Variants in SRPK2 observed in about 807,000 individuals in gnomAD.
SRPK2 encodes SRSF protein kinase 2.
SRPK2 carries 21 observed loss-of-function variants against 90.8 expected under a neutral mutation model. The observed-to-expected ratio is 0.23, with a 90% CI of 0.16 to 0.33. SRPK2 has a LOEUF of 0.33. SRPK2 is among the 10% of genes least tolerant of loss of function. The pLI, the probability that SRPK2 is intolerant of heterozygous loss-of-function variation, is 1.00. For synonymous variants in SRPK2, 288 were observed against 311.1 expected (o/e 0.93, Z 0.78); for missense variants, 620 against 869.0 (o/e 0.71, Z 3.60).
intron 2 of SRPK2, among the ~76,000 whole-genome samples, chr7:105,381,362 G>A (rs192233949): frequency 1.3e-3 from 191 of 152,194 alleles, no homozygotes; most frequent in Middle Eastern, 3.4e-3. Flanking sequence ...AGATCATGAC[G>A]TCAGGAGCTT....
chr7:105,176,660 CAT>C (rs754819728), intron 3 of SRPK2, among the ~76,000 whole-genome samples: 25 of 132,864 alleles, frequency 1.9e-4, no homozygotes, highest in Non-Finnish European at 2.6e-4. Context: ...GTTTTACATA[CAT>C]ATATATAGAT....
At chr7:105,334,562 GCACGGTGGCT>G (rs1409635507) in intron 2 of SRPK2, among the ~76,000 whole-genome samples, 1 of 152,072 alleles carries the variant, frequency 6.6e-6, no homozygotes, top group Non-Finnish European at 1.5e-5. Context: ...GTTTGGCTGG[GCACGGTGGCT>G]CACATCTGTA....
rs138074609 is a variant in SRPK2, at chr7:105,397,120, C to G, written n.153+2036G>C. Among the ~76,000 whole-genome samples, 520 of 151,922 alleles carry G rather than the reference C, an allele frequency of 3.4e-3. 15 individuals are homozygous for G. In the East Asian group the frequency reaches 0.067, roughly 20 times the overall value. On this transcript the variant is annotated intron_variant and non_coding_transcript_variant, in intron 1 of 3. Transcript: ENST00000462282. The stretch of plus-strand genomic sequence containing the variant: ...ACAACTTCCGCCTCATGGGTACAAG[C>G]AATTCTCCTGCCTCAGCTTCCCGAG...
At chr7:105,281,065 T>C (rs1807262059) in intron 2 of SRPK2, among the ~76,000 whole-genome samples, 1 of 151,790 alleles carries the variant, frequency 6.6e-6, no homozygotes, top group South Asian at 2.1e-4. Flanking sequence ...CCTTCTTTTT[T>C]TTCTTTTTGT....
intron 2 of SRPK2, among the ~76,000 whole-genome samples, chr7:105,320,381 T>G (rs1269183390): frequency 6.6e-6 from 1 of 152,232 alleles, no homozygotes; most frequent in Non-Finnish European, 1.5e-5. Flanking sequence ...ACACAATTTA[T>G]GTGAAACAAA....
At chr7:105,299,126 G>C (rs1810214391) in intron 2 of SRPK2, among the ~76,000 whole-genome samples, 1 of 152,222 alleles carries the variant, frequency 6.6e-6, no homozygotes, top group Admixed American at 6.5e-5. Flanking sequence ...TTGGAACTGA[G>C]AATGAGCCTC....
intron 7 of SRPK2, among the ~76,000 whole-genome samples, chr7:105,151,102 TA>T (rs1174997901): frequency 2.0e-5 from 3 of 151,958 alleles, no homozygotes; most frequent in African/African-American, 7.3e-5. Context: ...AGATTTTTTT[TA>T]AAAAAAATTG....
chr7:105,269,157 T>C, intron 2 of SRPK2: 3 of 965,000 alleles, frequency 3.1e-6, no homozygotes, highest in Non-Finnish European at 2.5e-6. Flanking sequence ...TTCTACAAGA[T>C]GATTTTCAAT....
intron 2 of SRPK2, among the ~76,000 whole-genome samples, chr7:105,251,677 A>G (rs1250473876): frequency 6.6e-6 from 1 of 152,240 alleles, no homozygotes; most frequent in Non-Finnish European, 1.5e-5. Flanking sequence ...CTACAGGCTA[A>G]AGATTGTGCT....
chr7:105,384,751 G>T (rs1821337014), intron 2 of SRPK2, among the ~76,000 whole-genome samples: 2 of 152,096 alleles, frequency 1.3e-5, no homozygotes, highest in African/African-American at 4.8e-5. Context: ...GTCTCCTGGA[G>T]ATTCTTTTAC....
At chr7:105,286,008 C>A (rs180793322) in intron 2 of SRPK2, among the ~76,000 whole-genome samples, 1 of 152,296 alleles carries the variant, frequency 6.6e-6, no homozygotes, top group Non-Finnish European at 1.5e-5. Flanking sequence ...TGTTGATACT[C>A]CCATATCCCT....
rs147921950 is a variant in SRPK2 at position 105,122,783 on chromosome 7, G to T, written c.1915+3465C>A. 6.6e-4 allele frequency among the ~76,000 whole-genome samples: 101 copies of T among 151,952 alleles called. 1 individual carries two copies. The East Asian group carries it at 0.017, about 26-fold the overall frequency. On this transcript the variant is annotated intron_variant, in intron 15 of 15. Transcript: ENST00000393651. ...AAATTTTCAATTGTATTTAAGGTCT[G>T]TAGTCTGACACACACACATACACAC...
intron 2 of SRPK2, among the ~76,000 whole-genome samples, chr7:105,294,051 T>C (rs1366874953): frequency 2.0e-5 from 3 of 152,120 alleles, no homozygotes; most frequent in South Asian, 2.1e-4. Context: ...ACATACAACA[T>C]AGCCAAATCC....
At chr7:105,162,255 T>G (rs750180594) in intron 6 of SRPK2, among the ~76,000 whole-genome samples, 41 of 152,324 alleles carry the variant, frequency 2.7e-4, no homozygotes, top group Admixed American at 6.5e-4. Context: ...TTGGCCAGGC[T>G]GGTCTCAAAC....
intron 2 of SRPK2, among the ~76,000 whole-genome samples, chr7:105,327,706 G>C (rs1288701562): frequency 6.6e-6 from 1 of 152,194 alleles, no homozygotes; most frequent in African/African-American, 2.4e-5. Flanking sequence ...ATTTATAGTA[G>C]GTGCCCAATA....
intron 7 of SRPK2, among the ~76,000 whole-genome samples, chr7:105,148,982 C>T (rs952431311): frequency 2.6e-5 from 4 of 152,148 alleles, no homozygotes; most frequent in Non-Finnish European, 4.4e-5. Context: ...GGGACCTCTG[C>T]CCTTGAAAGC....
At chr7:105,258,748 G>A (rs943446334) in intron 2 of SRPK2, among the ~76,000 whole-genome samples, 13 of 152,196 alleles carry the variant, frequency 8.5e-5, no homozygotes, top group African/African-American at 2.2e-4. Flanking sequence ...ATCAACAAAC[G>A]TAATCCATCA....
chr7:105,309,381 T>C (rs921079450), intron 2 of SRPK2, among the ~76,000 whole-genome samples: 1 of 152,186 alleles, frequency 6.6e-6, no homozygotes, highest in African/African-American at 2.4e-5. Context: ...GGAGCCTTCA[T>C]CATTAAAGTA....
At chr7:105,149,383 C>G (rs958151727) in intron 7 of SRPK2, among the ~76,000 whole-genome samples, 1 of 152,138 alleles carries the variant, frequency 6.6e-6, no homozygotes. Context: ...TTAATTATGA[C>G]ATAGATTCTA....
Sources: gnomAD v4.1 joint callset for allele counts (sites outside exome capture counted in the v4.1 genomes callset) on GRCh38, gnomAD v4.1.1 for gene constraint, MANE v1.5 for transcripts, NCBI Gene and HGNC (gene_info 2026-07-23, HGNC 2026-07-21) for gene names.